The following MYO7B variants were observed in gnomAD, a reference collection of about 807,000 sequenced individuals.
The protein encoded by MYO7B is unconventional myosin-VIIb.
In MYO7B, 212 loss-of-function variants were observed where a neutral mutation model predicts 259.7. That is an observed-to-expected ratio of 0.82 (90% confidence interval 0.73 to 0.91). The LOEUF (loss-of-function observed/expected upper bound fraction) is 0.91, where lower values mean the gene tolerates loss of function less well. MYO7B is among the 40% of genes least tolerant of loss of function. The pLI is 0.00. For synonymous variants in MYO7B, 1,197 were observed against 1,166.4 expected (o/e 1.03, Z -0.54); for missense variants, 2,732 against 2,813.5 (o/e 0.97, Z 0.66).
Position 127,577,465 on chromosome 2 carries a change from A to G in MYO7B, c.850-668A>G, listed in dbSNP as rs1678917773. The stretch of plus-strand genomic sequence containing the variant: ...TGACCCCTGCGGCTTGTAGGGTAGA[A>G]GTCCAAACTCCTCCATGTGGTTTCC... On this transcript the variant is annotated intron_variant, in intron 8 of 47. Coordinates refer to ENST00000409816, the MANE Select transcript of MYO7B (RefSeq NM_001393586.1). This position sits in a 1 kb window ranked among gnomAD's most constrained non-coding sequence, Gnocchi z 5.2. Among the ~76,000 whole-genome samples, 1 of 152,066 alleles carries G rather than the reference A, an allele frequency of 6.6e-6. No homozygotes were observed. Among genetic ancestry groups the G allele is most frequent in the South Asian group, 2.1e-4 (1 of 4,824 alleles).
chr2:127,552,542 G>A lies in MYO7B; in HGVS notation c.-23-7158G>A, dbSNP rs571211878. On this transcript the variant is annotated intron_variant, in intron 1 of 47. Coordinates refer to ENST00000409816, the MANE Select transcript of MYO7B (RefSeq NM_001393586.1). The stretch of plus-strand genomic sequence containing the variant: ...GGAGTGGGGGCCCCTAGGGCTGGGG[G>A]TCAGAGGAGGAGACGTCTATGGTAT... 3.9e-5 allele frequency among the ~76,000 whole-genome samples: 6 copies of A among 152,322 alleles called. No individual in the cohort carries two copies. The South Asian group carries it at 1.2e-3, about 32-fold the overall frequency.
Position 127,586,419 on chromosome 2 carries a change from G to A in MYO7B, c.1690+1506G>A, listed in dbSNP as rs1357479681. Among the ~76,000 whole-genome samples, 1 of 152,182 alleles carries A rather than the reference G, an allele frequency of 6.6e-6. No homozygotes were observed. Among genetic ancestry groups the A allele is most frequent in the African/African-American group, 2.4e-5 (1 of 41,448 alleles). On this transcript the variant is annotated intron_variant, in intron 14 of 47. Coordinates refer to ENST00000409816, the MANE Select transcript of MYO7B (RefSeq NM_001393586.1). This position sits in a 1 kb window ranked among gnomAD's most constrained non-coding sequence, Gnocchi z 4.8. Reference sequence around the variant, plus strand: ...AGGAGGTGTTCTGGTCTATTTAACTGGAGACAGGAATCCAGGGATGATTCT... The same window carrying A: ...AGGAGGTGTTCTGGTCTATTTAACTAGAGACAGGAATCCAGGGATGATTCT...
At position 127,636,610 on chromosome 2, in the gene MYO7B, C is replaced by T. The variant is rs1681830941; in HGVS notation, c.6189C>T (p.Leu2063=). 6.2e-7 allele frequency: 1 copy of T among 1,612,440 alleles called. No individual in the cohort carries two copies. Among genetic ancestry groups the T allele is most frequent in the Non-Finnish European group, 8.5e-7 (1 of 1,179,310 alleles). ...CCATCAACCGACATGGGGTTCTGCT[C>T]ATCCACCCCAAGACCAAGGTAGCTG... ...LIAINRHGVL[L]IHPKTKDLLT... The change falls in exon 46 of 48, where the codon CTC becomes CTT. Residue 2063 remains leucine, a synonymous_variant. Coordinates refer to ENST00000409816, the MANE Select transcript of MYO7B (RefSeq NM_001393586.1). This position sits in a 1 kb window ranked among gnomAD's most constrained non-coding sequence, Gnocchi z 4.5.
At chr2:127,574,121 G>A (rs1053913557) in intron 7 of MYO7B, 59 bp downstream of exon 7, 8 of 1,601,982 alleles carry the variant, frequency 5.0e-6, no homozygotes, top group Non-Finnish European at 6.8e-6. Context: ...TTCCAAGAGG[G>A]GCCCCTTTCC....
chr2:127,541,100 C>T (rs1692987947), intron 1 of MYO7B, among the ~76,000 whole-genome samples: 1 of 151,830 alleles, frequency 6.6e-6, no homozygotes, highest in Non-Finnish European at 1.5e-5. Context: ...ATCTGCTGGG[C>T]TGTCTCCACA....
In MYO7B at chr2:127,584,833, C is replaced by A. The variant is rs1265528283; in HGVS notation, c.1610C>A (p.Ala537Asp). 6.2e-7 allele frequency: 1 copy of A among 1,613,982 alleles called. No homozygotes were observed. Among genetic ancestry groups the A allele is most frequent in the Non-Finnish European group, 8.5e-7 (1 of 1,179,894 alleles). Residue 537 changes from alanine (A) to aspartate (D), a missense_variant, in exon 14 of 48, where the codon GCC (alanine) becomes GAC (aspartate). Around this residue, in one of 3 missense-constraint regions of MYO7B, gnomAD observed 1,906 missense variants for 2,026.4 expected, o/e 0.94. Transcript: ENST00000409816. This position sits in a 1 kb window ranked among gnomAD's most constrained non-coding sequence, Gnocchi z 5.8. ...KLNSVHANNK[A>D]FLQPKNIHDA... ...AACAGCGTCCATGCCAACAACAAGG[C>A]CTTCCTACAGCCCAAGAACATCCAC...
In MYO7B at chr2:127,624,250, C is replaced by A; in HGVS notation, c.3977C>A (p.Pro1326His). 2 of 1,596,102 alleles carry A rather than the reference C, an allele frequency of 1.3e-6. No individual in the cohort carries two copies. The highest frequency in any genetic ancestry group is 2.3e-5 in the East Asian group (1 of 43,926). ...CCCTGGCACGACTCCCGGGAGGACC[C>A]TGTCAGCACCGAGCTTATTTACCGC... ...FTPWHDSREDPVSTELIYRQV... is the reference protein window; with the variant it reads ...FTPWHDSREDHVSTELIYRQV... The change falls in exon 30 of 48, where the codon CCT (proline) becomes CAT (histidine). Residue 1326 changes from proline to histidine, a missense_variant. By Grantham distance (77) the Pro-to-His change is moderately conservative. This residue lies in a region of MYO7B where 1,906 missense variants were observed against 2,026.4 expected (regional missense o/e 0.94). Coordinates refer to ENST00000409816, the MANE Select transcript of MYO7B (RefSeq NM_001393586.1).
intron 16 of MYO7B, 52 bp from the exon 17 acceptor site, chr2:127,592,742 G>A (rs376890376): frequency 5.1e-6 from 8 of 1,573,238 alleles, no homozygotes; most frequent in African/African-American, 2.7e-5. Context: ...GGGAAGGGGG[G>A]TGGCTGGAAA....
rs187666970 is a variant in MYO7B, at chr2:127,560,560, T to C, written c.18+820T>C. Among the ~76,000 whole-genome samples the C allele has an allele frequency of 8.7e-3, 1,325 of 152,302 alleles. 7 individuals carry two copies. The highest frequency in any genetic ancestry group is 0.015 in the Non-Finnish European group (997 of 68,018). On this transcript the variant is annotated intron_variant, in intron 2 of 47. Transcript: ENST00000409816. ...CATTTACTGTCAAATCAACAGACCC[T>C]GGGGAACTGCCCTGCCCTGGGAGGC... is the stretch of plus-strand genomic sequence containing the variant.
At position 127,623,069 on chromosome 2, in the gene MYO7B, C is replaced by T. The variant is rs928553091; in HGVS notation, c.3646-133C>T. 5 of 1,074,324 alleles carry T rather than the reference C, an allele frequency of 4.7e-6. No homozygotes were observed. In the Admixed American group the frequency reaches 1.1e-4, roughly 24 times the overall value. The allele number at this position is 1,074,324 out of a possible 1,614,324, so 66.5% of individuals were successfully genotyped here. On this transcript the variant is annotated intron_variant, in intron 28 of 47. Transcript: ENST00000409816. Reference sequence around the variant, plus strand: ...GCCCATGGCCTGGGGCTTCAGAGGGCCCACCCCTGGGAACCCACGGGATGG... The same window carrying T: ...GCCCATGGCCTGGGGCTTCAGAGGGTCCACCCCTGGGAACCCACGGGATGG...
Position 127,631,295 on chromosome 2 carries a change from G to A in MYO7B, c.5027G>A (p.Arg1676Gln), listed in dbSNP as rs758130864. 2.2e-5 allele frequency: 36 copies of A among 1,612,194 alleles called. No individual in the cohort carries two copies. Among genetic ancestry groups the A allele is most frequent in the Admixed American group, 5.0e-5 (3 of 59,980 alleles). ...HLWAYSCEPLRQPLLKRVHAN... is the reference protein window; with the variant it reads ...HLWAYSCEPLQQPLLKRVHAN... ...TGGGCCTATTCCTGCGAGCCGCTGCGACAGCCGCTGCTCAAGCGAGTCCAC... is the reference window on the plus strand; with the variant it reads ...TGGGCCTATTCCTGCGAGCCGCTGCAACAGCCGCTGCTCAAGCGAGTCCAC... The change falls in exon 37 of 48, where the codon CGA (arginine) becomes CAA (glutamine). Residue 1676 changes from arginine to glutamine, a missense_variant. Arg to Gln is a conservative substitution (Grantham distance 43). This residue lies in a region of MYO7B where 821 missense variants were observed against 769.3 expected (regional missense o/e 1.07). Transcript: ENST00000409816.
intron 26 of MYO7B, among the ~76,000 whole-genome samples, chr2:127,619,272 GGTGGCTGGCT>G (rs1680724541): frequency 6.2e-5 from 8 of 128,452 alleles, no homozygotes; most frequent in African/African-American, 2.1e-4. Context: ...GTTGGATGGT[GGTGGCTGGCT>G]GGGTGGTGGG....
chr2:127,542,398 C>T (rs1693039759), intron 1 of MYO7B, among the ~76,000 whole-genome samples: 4 of 152,208 alleles, frequency 2.6e-5, no homozygotes, highest in Admixed American at 2.6e-4. Context: ...CTGTTGCTCC[C>T]TGGCAGCTGT....
At chr2:127,554,497 G>A (rs1360472546) in intron 1 of MYO7B, among the ~76,000 whole-genome samples, 1 of 152,184 alleles carries the variant, frequency 6.6e-6, no homozygotes, top group Non-Finnish European at 1.5e-5. Flanking sequence ...ATTTTGTTAA[G>A]GATTTTTGCA....
intron 2 of MYO7B, among the ~76,000 whole-genome samples, chr2:127,560,170 G>A (rs1483545970): frequency 6.6e-6 from 1 of 151,956 alleles, no homozygotes; most frequent in African/African-American, 2.4e-5. Context: ...GGGACCACAG[G>A]TGCATGCCAC....
Position 127,577,258 on chromosome 2 carries a change from C to A in MYO7B, c.849+550C>A, listed in dbSNP as rs76625674. On this transcript the variant is annotated intron_variant, in intron 8 of 47. Transcript: ENST00000409816. This position sits in a 1 kb window ranked among gnomAD's most constrained non-coding sequence, Gnocchi z 5.2. ...CCAGAGCATTCTGCCTCTGGGATCT[C>A]TCCCATGCAACCCTCTCTCCTGGGT... is the stretch of plus-strand genomic sequence containing the variant. Among the ~76,000 whole-genome samples the A allele has an allele frequency of 2.0e-5, 3 of 152,262 alleles. No homozygotes were observed. The East Asian group carries it at 5.8e-4, about 29-fold the overall frequency.
rs555032599 is a variant in MYO7B, at chr2:127,612,305, G to A, written c.3248G>A (p.Arg1083Gln). ...GATATCTCCTCCATGAAGCTGAAGC[G>A]GTCCTCCCGGATCACAGGCCAGGTG... ...TKDISSMKLK[R>Q]SSRITGQVAS... Residue 1083 changes from arginine to glutamine, a missense_variant, in exon 25 of 48, where the codon CGG becomes CAG. Around this residue, in one of 3 missense-constraint regions of MYO7B, gnomAD observed 1,906 missense variants for 2,026.4 expected, o/e 0.94. Coordinates refer to ENST00000409816, the MANE Select transcript of MYO7B (RefSeq NM_001393586.1). 24 of 861,706 alleles carry A rather than the reference G, an allele frequency of 2.8e-5. No homozygotes were observed. Among genetic ancestry groups the A allele is most frequent in the Middle Eastern group, 2.2e-4 (1 of 4,598 alleles). 53.4% of individuals were successfully genotyped at this position (861,706 alleles called of 1,614,324 possible).
In MYO7B at chr2:127,613,100, C is replaced by T. The variant is rs1680450415; in HGVS notation, c.3398+497C>T. On this transcript the variant is annotated intron_variant, in intron 26 of 47. Transcript: ENST00000409816. The surrounding 1 kb of genome is among the most constrained non-coding windows in gnomAD (Gnocchi z 4.3). ...CTACTGTGTTTTAGGGGTTCACTTA[C>T]TTTAGGTTAATACTTTTAACAAAAT... 6.6e-6 allele frequency among the ~76,000 whole-genome samples: 1 copy of T among 152,208 alleles called. No individual in the cohort carries two copies. Among genetic ancestry groups the T allele is most frequent in the African/African-American group, 2.4e-5 (1 of 41,448 alleles).
In MYO7B at chr2:127,565,355, C is replaced by T. The variant is rs1257454686; in HGVS notation, c.255C>T (p.Leu85=). 1.9e-6 allele frequency: 3 copies of T among 1,614,048 alleles called. No homozygotes were observed. The Admixed American group carries it at 5.0e-5, about 27-fold the overall frequency. ...ACGAGGCAGGCATGGTGCACAACCT[C>T]CTGATCCGCTACCAGCAGCACAAGA... is the stretch of plus-strand genomic sequence containing the variant. The part of the protein sequence containing the change: ...DLNEAGMVHN[L]LIRYQQHKIY... The change falls in exon 4 of 48, where the codon CTC becomes CTT. Residue 85 remains leucine (L), a synonymous_variant. Transcript: ENST00000409816.
Sources: gnomAD v4.1 joint callset for allele counts (sites outside exome capture counted in the v4.1 genomes callset) on GRCh38, gnomAD v4.1.1 for gene constraint, gnomAD v4.1.1 regional missense constraint, Gnocchi (gnomAD v3.1) non-coding constraint, MANE v1.5 for transcripts, NCBI Gene and HGNC (gene_info 2026-07-23, HGNC 2026-07-21) for gene names.